Variants in GRM8 observed in about 807,000 individuals in gnomAD.
GRM8 encodes glutamate metabotropic receptor 8.
A neutral mutation model predicts 87.2 loss-of-function variants in GRM8; 47 were observed. That is an observed-to-expected ratio of 0.54 (90% CI 0.43 to 0.69). GRM8 has a LOEUF of 0.69. Among genes scored for constraint, GRM8 ranks in the 30% least tolerant of loss-of-function variants. The probability of loss-of-function intolerance (pLI) is 0.00; values close to 1 mark genes in which losing one functional copy is unlikely to be tolerated. For synonymous variants in GRM8, 396 were observed against 404.5 expected, an observed-to-expected ratio of 0.98 and a Z score of 0.25; for missense variants, 1,019 against 1,139.2, an observed-to-expected ratio of 0.89 and a Z score of 1.52.
intron 6 of GRM8, among the ~76,000 whole-genome samples, chr7:126,878,892 G>A (rs1365848874): frequency 2.0e-5 from 3 of 151,806 alleles, no homozygotes; most frequent in Non-Finnish European, 4.4e-5. Context: ...GCCGGGCACG[G>A]TGGCTCACGC....
At chr7:126,805,000 G>C (rs934592763) in intron 6 of GRM8, among the ~76,000 whole-genome samples, 1 of 152,098 alleles carries the variant, frequency 6.6e-6, no homozygotes, top group African/African-American at 2.4e-5. Flanking sequence ...TATTCTCCAT[G>C]AACCTATTCT....
At chr7:127,110,790 C>T (rs777890582) in intron 2 of GRM8, among the ~76,000 whole-genome samples, 5 of 152,170 alleles carry the variant, frequency 3.3e-5, no homozygotes, top group African/African-American at 4.8e-5. Context: ...ACTCTCCGTT[C>T]CTTTACTGAC....
chr7:126,465,126 T>C (rs931835395), intron 9 of GRM8: 1 of 151,736 alleles, frequency 6.6e-6, no homozygotes, highest in Non-Finnish European at 1.5e-5. Flanking sequence ...CAGATGAACA[T>C]ATATGACGGG....
At chr7:126,625,993 A>T (rs1445942174) in intron 7 of GRM8, among the ~76,000 whole-genome samples, 3 of 152,114 alleles carry the variant, frequency 2.0e-5, no homozygotes, top group Non-Finnish European at 4.4e-5. Flanking sequence ...TCTGGGGTAC[A>T]TTAAATACTT....
At chr7:127,116,614 C>T (rs1826716571) in intron 2 of GRM8, among the ~76,000 whole-genome samples, 1 of 152,180 alleles carries the variant, frequency 6.6e-6, no homozygotes, top group Admixed American at 6.6e-5. Flanking sequence ...AGGGACAGGG[C>T]AAGCTTCCCT....
intron 9 of GRM8, among the ~76,000 whole-genome samples, chr7:126,451,226 A>G (rs759493071): frequency 2.0e-4 from 30 of 151,732 alleles, no homozygotes; most frequent in Non-Finnish European, 3.7e-4. Context: ...CTGATTCCCA[A>G]TCTTCATCCC....
At chr7:126,471,775 C>T (rs1425525127) in intron 9 of GRM8, among the ~76,000 whole-genome samples, 3 of 151,740 alleles carry the variant, frequency 2.0e-5, no homozygotes, top group Non-Finnish European at 4.4e-5. Context: ...TATAAATTAC[C>T]TTGGGCAGTA....
At chr7:127,225,409 C>G (rs1401814223) in intron 2 of GRM8, among the ~76,000 whole-genome samples, 1 of 152,046 alleles carries the variant, frequency 6.6e-6, no homozygotes, top group African/African-American at 2.4e-5. Flanking sequence ...GAGTTTCCCT[C>G]CTGGGGGAGA....
At chr7:127,072,630 TATAC>T (rs747834331) in intron 3 of GRM8, among the ~76,000 whole-genome samples, 2,119 of 137,232 alleles carry the variant, frequency 0.015, 35 homozygotes, top group South Asian at 0.047. Flanking sequence ...ACCCTCATAT[TATAC>T]TTTTTTTTTT....
At chr7:126,706,338 C>G (rs1810514978) in intron 7 of GRM8, among the ~76,000 whole-genome samples, 1 of 152,036 alleles carries the variant, frequency 6.6e-6, no homozygotes, top group Non-Finnish European at 1.5e-5. Context: ...CAGCTGGAGA[C>G]CCAGGAGTGC....
intron 6 of GRM8, among the ~76,000 whole-genome samples, chr7:126,796,800 G>A (rs1339309031): frequency 6.6e-6 from 1 of 151,972 alleles, no homozygotes; most frequent in Non-Finnish European, 1.5e-5. Flanking sequence ...TTCATTATTA[G>A]CAAATAAATA....
chr7:127,026,047 T>G (rs534892218), intron 3 of GRM8, among the ~76,000 whole-genome samples: 15 of 152,070 alleles, frequency 9.9e-5, no homozygotes, highest in Admixed American at 9.8e-4. Context: ...TTCCCCTCCC[T>G]GTGTCCTTGT....
At chr7:126,917,229 G>C (rs923534235) in intron 3 of GRM8, among the ~76,000 whole-genome samples, 23 of 152,220 alleles carry the variant, frequency 1.5e-4, no homozygotes, top group African/African-American at 5.3e-4. Flanking sequence ...TACTGCCTCT[G>C]CCTCCCAAAG....
At chr7:126,610,304 T>G (rs911087436) in intron 7 of GRM8, among the ~76,000 whole-genome samples, 4 of 152,204 alleles carry the variant, frequency 2.6e-5, no homozygotes, top group Non-Finnish European at 5.9e-5. Context: ...CCATCTAGCT[T>G]CACTATCTAT....
chr7:126,683,221 T>C (rs1041101814), intron 7 of GRM8, among the ~76,000 whole-genome samples: 6 of 152,182 alleles, frequency 3.9e-5, no homozygotes, highest in African/African-American at 1.4e-4. Context: ...CTCCCCACCC[T>C]AACATAATTG....
At position 126,479,741 on chromosome 7, in the gene GRM8, T is replaced by TAGAC. The variant is rs3993604; in HGVS notation, c.2431-33373_2431-33370dup. 3.7e-3 allele frequency among the ~76,000 whole-genome samples: 543 copies of TAGAC among 148,566 alleles called. 20 individuals carry two copies. The East Asian group carries it at 0.077, about 21-fold the overall frequency. ...CTTTATCGTGGAGATGACAGAGAGA[T>TAGAC]AGACAGACAGACAGACAGACAGACA... On this transcript the variant is annotated intron_variant, in intron 9 of 10. Coordinates refer to ENST00000339582, the MANE Select transcript of GRM8 (RefSeq NM_000845.3).
chr7:127,124,666 G>T (rs961881879), intron 2 of GRM8, among the ~76,000 whole-genome samples: 5 of 151,930 alleles, frequency 3.3e-5, no homozygotes, highest in Admixed American at 2.0e-4. Context: ...ACTACCAATT[G>T]GATAATGAAC....
chr7:126,779,709 T>C (rs1819862817), intron 6 of GRM8, among the ~76,000 whole-genome samples: 2 of 152,116 alleles, frequency 1.3e-5, no homozygotes, highest in Admixed American at 1.3e-4. Context: ...TGTAGCTTTA[T>C]AAAATGATTT....
intron 7 of GRM8, among the ~76,000 whole-genome samples, chr7:126,617,581 C>T (rs1799645883): frequency 6.6e-6 from 1 of 152,144 alleles, no homozygotes; most frequent in Admixed American, 6.5e-5. Context: ...AAGAGGAAGT[C>T]AAATTGTCCC....
Sources: allele counts gnomAD v4.1 joint callset (sites outside exome capture counted in the v4.1 genomes callset), GRCh38; gene constraint gnomAD v4.1.1; transcripts MANE v1.5; gene names NCBI Gene and HGNC (gene_info 2026-07-23, HGNC 2026-07-21).